Variants in CDHR3 observed in about 807,000 individuals in gnomAD.
The protein encoded by CDHR3 is cadherin-related family member 3.
A neutral mutation model predicts 86.6 loss-of-function variants in CDHR3; 79 were observed. The ratio of observed to expected loss-of-function variants is 0.91; its 90% CI spans 0.76 to 1.10. The LOEUF is 1.10. Among genes scored for constraint, CDHR3 ranks in the 50% least tolerant of loss-of-function variants. The pLI is 0.00. For synonymous variants in CDHR3, 421 were observed against 402.4 expected (o/e 1.05, Z -0.55); for missense variants, 1,081 against 1,077.6 (o/e 1.00, Z -0.04).
intron 3 of CDHR3, among the ~76,000 whole-genome samples, chr7:105,983,860 G>T (rs968660987): frequency 8.5e-5 from 13 of 152,110 alleles, no homozygotes. Context: ...CACACCGGAG[G>T]TTCCTACCTG....
intron 9 of CDHR3, 64 bp from the exon 10 acceptor site, chr7:106,015,047 C>T (rs1245248656): frequency 1.5e-6 from 2 of 1,329,292 alleles, no homozygotes; most frequent in Non-Finnish European, 2.1e-6. Flanking sequence ...ATGAAAATGT[C>T]TCTCGCAGCC....
intron 1 of CDHR3, among the ~76,000 whole-genome samples, chr7:105,970,247 T>G (rs530335228): frequency 2.1e-4 from 32 of 152,152 alleles, no homozygotes; most frequent in Admixed American, 1.7e-3. Flanking sequence ...GTGGCCAACT[T>G]CCTCCTCTCT....
At chr7:105,994,121 A>G (rs940209327) in intron 4 of CDHR3, among the ~76,000 whole-genome samples, 1 of 152,146 alleles carries the variant, frequency 6.6e-6, no homozygotes, top group Non-Finnish European at 1.5e-5. Context: ...GCATTTCAAT[A>G]ACTGATGCTC....
rs372864544 is a variant in CDHR3, at chr7:106,030,803, G to C, written c.2316G>C (p.Gln772His). ...TGTCTTCTCCTTAGGAAACTATCCA[G>C]ATGAACACTATCTTTGATGGAGAAG... ...AERDVVVETI[Q>H]MNTIFDGEAI... The change falls in exon 18 of 19, where the codon CAG (glutamine) becomes CAC (histidine). Residue 772 changes from glutamine to histidine, a missense_variant. Coordinates refer to ENST00000317716, the MANE Select transcript of CDHR3 (RefSeq NM_152750.5). The surrounding 1 kb of genome is among the most constrained non-coding windows in gnomAD (Gnocchi z 4.8). The C allele has an allele frequency of 5.1e-5, 82 of 1,611,412 alleles. No homozygotes were observed. The highest frequency in any genetic ancestry group is 6.4e-5 in the Non-Finnish European group (76 of 1,178,902).
chr7:105,968,358 T>G (rs1020071261), intron 1 of CDHR3, among the ~76,000 whole-genome samples: 5 of 152,088 alleles, frequency 3.3e-5, no homozygotes, highest in Non-Finnish European at 5.9e-5. Context: ...CTTTCTTTCT[T>G]TTTTTTATTT....
intron 1 of CDHR3, among the ~76,000 whole-genome samples, chr7:105,965,389 G>T (rs997644880): frequency 6.6e-6 from 1 of 152,152 alleles, no homozygotes; most frequent in African/African-American, 2.4e-5. Flanking sequence ...CAGGAGAATC[G>T]CTTGAACCCA....
intron 4 of CDHR3, among the ~76,000 whole-genome samples, chr7:105,987,454 T>A (rs1830690499): frequency 6.6e-6 from 1 of 152,230 alleles, no homozygotes. Flanking sequence ...ACATAACATA[T>A]TATGGCCTTT....
intron 13 of CDHR3, 31 bp from the exon 14 acceptor site, chr7:106,022,167 T>G (rs1563300732): frequency 6.2e-7 from 1 of 1,610,360 alleles, no homozygotes; most frequent in South Asian, 1.1e-5. Context: ...TTCTTCCTTT[T>G]ACCAACACCC....
At chr7:105,967,089 T>C (rs1433476661) in intron 1 of CDHR3, among the ~76,000 whole-genome samples, 2 of 152,218 alleles carry the variant, frequency 1.3e-5, no homozygotes, top group Non-Finnish European at 2.9e-5. Context: ...TATCTCCTAA[T>C]GCTATCCCTC....
At chr7:105,980,868 G>A in intron 2 of CDHR3, 100 bp from the exon 3 acceptor site, 1 of 1,111,036 alleles carries the variant, frequency 9.0e-7, no homozygotes, top group South Asian at 1.5e-5. Flanking sequence ...TTTCCGGGAT[G>A]CCAGATGCTT....
intron 1 of CDHR3, among the ~76,000 whole-genome samples, chr7:105,973,566 G>T (rs571463409): frequency 6.6e-5 from 10 of 152,210 alleles, no homozygotes; most frequent in African/African-American, 2.4e-4. Flanking sequence ...CCCTCTGTGC[G>T]TGTCCTGTCT....
At chr7:105,967,290 CT>C (rs1203187031) in intron 1 of CDHR3, among the ~76,000 whole-genome samples, 2 of 152,096 alleles carry the variant, frequency 1.3e-5, no homozygotes, top group Non-Finnish European at 2.9e-5. Flanking sequence ...TGAACTCATC[CT>C]TTTTTATGGC....
At chr7:106,007,653 C>T (rs920254065) in intron 8 of CDHR3, among the ~76,000 whole-genome samples, 1 of 152,252 alleles carries the variant, frequency 6.6e-6, no homozygotes, top group Non-Finnish European at 1.5e-5. Flanking sequence ...CCACCTCAGC[C>T]TGGATTTAAT....
chr7:106,024,631 G>T, intron 15 of CDHR3, 69 bp downstream of exon 15: 1 of 1,483,082 alleles, frequency 6.7e-7, no homozygotes, highest in Non-Finnish European at 9.2e-7. Context: ...GACATCAGGA[G>T]AAGGAAAAAT....
chr7:106,011,527 A>G (rs1834806213), intron 8 of CDHR3, among the ~76,000 whole-genome samples: 1 of 152,224 alleles, frequency 6.6e-6, no homozygotes, highest in Non-Finnish European at 1.5e-5. Context: ...CCAAGCTGTC[A>G]GTGACCACAG....
At chr7:106,027,396 CAAA>C (rs11347271) in intron 16 of CDHR3, among the ~76,000 whole-genome samples, 6 of 140,902 alleles carry the variant, frequency 4.3e-5, no homozygotes, top group Admixed American at 7.0e-5. Context: ...GACTCTGTCT[CAAA>C]AAAAAAAAAA....
chr7:106,015,980 T>C lies in CDHR3; in HGVS notation c.1381T>C (p.Phe461Leu). Residue 461 changes from phenylalanine (F) to leucine (L), a missense_variant, in exon 11 of 19, where the codon TTT becomes CTT. Transcript: ENST00000317716. The stretch of plus-strand genomic sequence containing the variant: ...CCCAGAAAATGAGTTTCCTCTCATT[T>C]TTGATAGGCCATCCTATGTATTTGA... ...TSPENEFPLI[F>L]DRPSYVFDVS... 1 of 1,613,304 alleles carries C rather than the reference T, an allele frequency of 6.2e-7. No homozygotes were observed. The highest frequency in any genetic ancestry group is 8.5e-7 in the Non-Finnish European group (1 of 1,179,582).
In CDHR3 at chr7:106,013,045, C is replaced by G. The variant is rs1465075277; in HGVS notation, c.1224+14C>G. ...GGGAAGATTGTGGTCAGTTAATGGT[C>G]ATTGCATCATTAAAAGGGCATCGGG... On this transcript the variant is annotated intron_variant, in intron 9 of 18. Coordinates refer to ENST00000317716, the MANE Select transcript of CDHR3 (RefSeq NM_152750.5). 3 of 1,564,864 alleles carry G rather than the reference C, an allele frequency of 1.9e-6. No individual in the cohort carries two copies. Among genetic ancestry groups the G allele is most frequent in the Non-Finnish European group, 2.6e-6 (3 of 1,156,538 alleles).
chr7:106,022,357 A>G lies in CDHR3; in HGVS notation c.1985A>G (p.Lys662Arg). The change falls in exon 14 of 19, where the codon AAG (lysine) becomes AGG (arginine). Residue 662 changes from lysine to arginine, a missense_variant. By Grantham distance (26) the Lys-to-Arg change is conservative. Transcript: ENST00000317716. ...GATGACAACTTGATGTCTGACAGGA[A>G]GAAAGCGGAGGCTCTTGTTGAGACA... ...VTDDNLMSDR[K>R]KAEALVETGT... 1 of 1,614,052 alleles carries G rather than the reference A, an allele frequency of 6.2e-7. No homozygotes were observed. The highest frequency in any genetic ancestry group is 8.5e-7 in the Non-Finnish European group (1 of 1,179,898).
Sources: gnomAD v4.1 joint callset for allele counts (sites outside exome capture counted in the v4.1 genomes callset) on GRCh38, gnomAD v4.1.1 for gene constraint, Gnocchi (gnomAD v3.1) non-coding constraint, MANE v1.5 for transcripts, NCBI Gene and HGNC (gene_info 2026-07-23, HGNC 2026-07-21) for gene names.